Variants in MUC22 observed in about 807,000 individuals in gnomAD.
The protein encoded by MUC22 is mucin-22.
MUC22 carries 24 observed loss-of-function variants against 40.3 expected under a neutral mutation model. The observed-to-expected ratio is 0.60, with a 90% CI of 0.43 to 0.84. MUC22 has a LOEUF of 0.84. Ranked by LOEUF, MUC22 falls within the 40% of genes least tolerant of loss-of-function variation. The probability of loss-of-function intolerance (pLI) is 0.00; values close to 1 mark genes in which losing one functional copy is unlikely to be tolerated. For synonymous variants in MUC22, 765 were observed against 844.5 expected (o/e 0.91, Z 1.63); for missense variants, 1,926 against 2,130.7 (o/e 0.90, Z 1.89).
In MUC22 at chr6:31,032,108, A is replaced by G; in HGVS notation, c.4670-88A>G. 1 of 1,398,312 alleles carries G rather than the reference A, an allele frequency of 7.2e-7. No individual in the cohort carries two copies. Among genetic ancestry groups the G allele is most frequent in the Non-Finnish European group, 9.5e-7 (1 of 1,057,586 alleles). 86.6% of individuals were successfully genotyped at this position (1,398,312 alleles called of 1,614,324 possible). A position where few individuals can be genotyped will look rare whatever the true frequency, so the allele number is the denominator to read the frequency against. On this transcript the variant is annotated intron_variant, in intron 2 of 3. Transcript: ENST00000561890. The surrounding 1 kb of genome is among the most constrained non-coding windows in gnomAD (Gnocchi z 4.1). ...GAGCCACCTCCACCATAGGTTTGTTAGATTCACCCTCCTCTGGTCTAAGCA... is the reference window on the plus strand; with the variant it reads ...GAGCCACCTCCACCATAGGTTTGTTGGATTCACCCTCCTCTGGTCTAAGCA...
chr6:31,006,474 CT>C (rs1269037204), upstream of MUC22, among the ~76,000 whole-genome samples: 1 of 152,146 alleles, frequency 6.6e-6, no homozygotes, highest in East Asian at 1.9e-4. Context: ...CGTGAAACTA[CT>C]GTATATGATA....
At chr6:31,031,643 G>A (rs903391580) in intron 2 of MUC22, among the ~76,000 whole-genome samples, 5 of 152,164 alleles carry the variant, frequency 3.3e-5, no homozygotes, top group South Asian at 2.1e-4. Context: ...CACCATATTT[G>A]AAGTCTTTTA....
intron 1 of MUC22, among the ~76,000 whole-genome samples, chr6:31,020,706 G>T (rs1057223854): frequency 6.6e-6 from 1 of 152,182 alleles, no homozygotes; most frequent in African/African-American, 2.4e-5. Context: ...CCCTCAGCTT[G>T]CAGGGAGGTG....
chr6:31,025,531 G>A, exon 2 of MUC22: 1 of 1,513,086 alleles, frequency 6.6e-7, no homozygotes, highest in South Asian at 1.3e-5. Context: ...CTTCACAAAA[G>A]GCTCCGACAC....
chr6:31,022,998 C>T (rs1242891357), intron 1 of MUC22, among the ~76,000 whole-genome samples: 7 of 151,810 alleles, frequency 4.6e-5, no homozygotes, highest in Non-Finnish European at 7.4e-5. Flanking sequence ...GGCGTGGTGG[C>T]GCATGCCTGT....
At chr6:31,012,970 C>T (rs12528082) in intron 1 of MUC22, among the ~76,000 whole-genome samples, 9,216 of 151,956 alleles carry the variant, frequency 0.061, 351 homozygotes, top group South Asian at 0.12. Flanking sequence ...CCCCACCAAG[C>T]AAGATCTTGA....
Position 31,032,451 on chromosome 6 carries a change from T to C in MUC22, c.4925T>C (p.Val1642Ala). The change falls in exon 3 of 4, where the codon GTT becomes GCT. Residue 1642 changes from valine to alanine, a missense_variant. Physicochemically the swap from Val to Ala is moderately conservative, Grantham distance 64. Coordinates refer to ENST00000561890, the Ensembl canonical transcript of MUC22. This position sits in a 1 kb window ranked among gnomAD's most constrained non-coding sequence, Gnocchi z 4.1. Reference sequence around the variant, plus strand: ...CCGGTGTCCATGGGCACAAACACAGTTAGCATGAGCCACACACCCACAAAC... The same window carrying C: ...CCGGTGTCCATGGGCACAAACACAGCTAGCATGAGCCACACACCCACAAAC... 1 of 1,535,696 alleles carries C rather than the reference T, an allele frequency of 6.5e-7. No individual in the cohort carries two copies. The highest frequency in any genetic ancestry group is 1.2e-5 in the South Asian group (1 of 84,058).
exon 2 of MUC22, chr6:31,025,784 C>T (rs907014071): frequency 2.1e-4 from 316 of 1,532,830 alleles, no homozygotes; most frequent in Middle Eastern, 1.3e-3. Flanking sequence ...TCTGACACAA[C>T]CACAGGCTCC....
chr6:31,013,229 C>T (rs553929347), intron 1 of MUC22, among the ~76,000 whole-genome samples: 3 of 150,740 alleles, frequency 2.0e-5, no homozygotes, highest in South Asian at 4.2e-4. Flanking sequence ...CAGGTTCAAG[C>T]GATTCTCCTG....
intron 1 of MUC22, among the ~76,000 whole-genome samples, chr6:31,016,242 A>T (rs991490709): frequency 6.6e-6 from 1 of 150,720 alleles, no homozygotes; most frequent in Non-Finnish European, 1.5e-5. Flanking sequence ...CTTCATAGGG[A>T]TATTTGTTTT....
At chr6:31,033,891 G>A (rs10947126) in intron 3 of MUC22, among the ~76,000 whole-genome samples, 56,300 of 151,990 alleles carry the variant, frequency 0.37, 10,648 homozygotes, top group Admixed American at 0.45. Context: ...GAGGTTCTTT[G>A]TTTTAGAATT....
intron 1 of MUC22, among the ~76,000 whole-genome samples, chr6:31,021,015 G>A (rs1464845241): frequency 2.1e-5 from 3 of 146,078 alleles, no homozygotes; most frequent in Non-Finnish European, 4.6e-5. Flanking sequence ...CCCCTCCATG[G>A]GCTTCTGTGC....
At chr6:31,020,758 G>A (rs1268562624) in intron 1 of MUC22, among the ~76,000 whole-genome samples, 2 of 152,176 alleles carry the variant, frequency 1.3e-5, no homozygotes, top group African/African-American at 2.4e-5. Flanking sequence ...TGTGCGCGGC[G>A]CTTGCGGGCC....
At position 31,020,425 on chromosome 6, in the gene MUC22, G is replaced by T. The variant is rs550896814; in HGVS notation, c.71-5077G>T. ...AGACAAGCAAAAACTGGAAGACCTTGCCTCCTGGAAATTGACTTTTTTTTT... is the reference window on the plus strand; with the variant it reads ...AGACAAGCAAAAACTGGAAGACCTTTCCTCCTGGAAATTGACTTTTTTTTT... On this transcript the variant is annotated intron_variant, in intron 1 of 3. Coordinates refer to ENST00000561890, the Ensembl canonical transcript of MUC22. Among the ~76,000 whole-genome samples the T allele has an allele frequency of 1.4e-4, 20 of 147,022 alleles. No individual in the cohort carries two copies. In the East Asian group the frequency reaches 4.1e-3, roughly 30 times the overall value.
rs929806434 is a variant in MUC22 at position 31,028,526 on chromosome 6, C to T, written c.3095C>T (p.Ser1032Phe). The T allele has an allele frequency of 4.6e-6, 7 of 1,533,224 alleles. No homozygotes were observed. In the African/African-American group the frequency reaches 9.6e-5, roughly 21 times the overall value. The allele number at this position is 1,533,224 out of a possible 1,614,324, so 95.0% of individuals were successfully genotyped here. A position where few individuals can be genotyped will look rare whatever the true frequency, so the allele number is the denominator to read the frequency against. ...ACCACCATGGCATCCATCATGGGCT[C>T]TGAGACCACTATGGCCTCTACCATA... The change falls in exon 2 of 4, where the codon TCT becomes TTT. Residue 1032 changes from serine to phenylalanine, a missense_variant. By Grantham distance (155) the Ser-to-Phe change is radical. Around this residue, in one of 3 missense-constraint regions of MUC22, gnomAD observed 1,281 missense variants for 1,337.8 expected, o/e 0.96. Coordinates refer to ENST00000561890, the Ensembl canonical transcript of MUC22.
In MUC22 at chr6:31,032,763, C is replaced by A. The variant is rs1031416346; in HGVS notation, c.5055+182C>A. Among the ~76,000 whole-genome samples, 2 of 151,974 alleles carry A rather than the reference C, an allele frequency of 1.3e-5. No homozygotes were observed. The highest frequency in any genetic ancestry group is 3.4e-3 in the Middle Eastern group (1 of 294). On this transcript the variant is annotated intron_variant, in intron 3 of 3. Coordinates refer to ENST00000561890, the Ensembl canonical transcript of MUC22. The surrounding 1 kb of genome is among the most constrained non-coding windows in gnomAD (Gnocchi z 4.1). ...TGCTTAAGTCAGAGAAAGTGAGAAG[C>A]AAAGTAGAAAAAGAGGAGGGAAAAG...
chr6:31,009,435 T>C (rs2530691), upstream of MUC22, among the ~76,000 whole-genome samples: 22,445 of 152,096 alleles, frequency 0.15, 1,717 homozygotes, highest in Admixed American at 0.2. Context: ...GCCACATTCT[T>C]ATCACCCCAG....
chr6:31,032,667 T>C lies in MUC22; in HGVS notation c.5055+86T>C. 7.2e-7 allele frequency: 1 copy of C among 1,394,486 alleles called. No homozygotes were observed. 86.4% of individuals were successfully genotyped at this position (1,394,486 alleles called of 1,614,324 possible). On this transcript the variant is annotated intron_variant, in intron 3 of 3. Coordinates refer to ENST00000561890, the Ensembl canonical transcript of MUC22. The surrounding 1 kb of genome is among the most constrained non-coding windows in gnomAD (Gnocchi z 4.1). The stretch of plus-strand genomic sequence containing the variant: ...AGCAGTGCTTTGGAAAAATCCAGAA[T>C]GAGAAAGGGGAGTAAGTTGGTGCGC...
chr6:31,024,869 C>CT (rs10685711), intron 1 of MUC22, among the ~76,000 whole-genome samples: 7,130 of 135,918 alleles, frequency 0.052, 223 homozygotes, highest in South Asian at 0.11. Context: ...TTGCTGCCTT[C>CT]TTTTTTTTTT....
Sources: gnomAD v4.1 joint callset for allele counts (sites outside exome capture counted in the v4.1 genomes callset) on GRCh38, gnomAD v4.1.1 for gene constraint, gnomAD v4.1.1 regional missense constraint, Gnocchi (gnomAD v3.1) non-coding constraint, MANE v1.5 for transcripts, NCBI Gene and HGNC (gene_info 2026-07-23, HGNC 2026-07-21) for gene names.